The following ANK3 variants were observed in gnomAD, a reference collection of about 807,000 sequenced individuals.
ANK3 encodes the protein ankyrin-3.
A neutral mutation model predicts 370.9 loss-of-function variants in ANK3; 57 were observed. That is an observed-to-expected ratio of 0.15 (90% CI 0.12 to 0.19). ANK3 has a LOEUF of 0.19. Ranked by LOEUF, ANK3 falls within the 10% of genes least tolerant of loss-of-function variation. The pLI is 1.00. For missense variants in ANK3, 4,439 were observed against 5,302.1 expected (o/e 0.84, Z 5.06); for synonymous variants, 1,929 against 1,946.3 (o/e 0.99, Z 0.23).
chr10:60,084,856 T>C (rs778342686), intron 31 of ANK3, 26 bp from the exon 32 acceptor site: 3 of 1,481,372 alleles, frequency 2.0e-6, no homozygotes, highest in South Asian at 2.8e-5. Flanking sequence ...AACAGAAGTA[T>C]GAAAATGTGG....
intron 1 of ANK3, among the ~76,000 whole-genome samples, chr10:60,385,515 T>C (rs570022337): frequency 2.5e-4 from 38 of 152,224 alleles, no homozygotes; most frequent in African/African-American, 8.2e-4. Context: ...TCTCCAACAT[T>C]TGATGCAATG....
At chr10:60,464,409 C>A (rs1023972919) in intron 2 of ANK3, among the ~76,000 whole-genome samples, 1 of 152,012 alleles carries the variant, frequency 6.6e-6, no homozygotes, top group Non-Finnish European at 1.5e-5. Context: ...AAAGTAATAA[C>A]CTGCTATTTA....
At chr10:60,093,892 G>T (rs1028878850) in intron 28 of ANK3, among the ~76,000 whole-genome samples, 24 of 152,144 alleles carry the variant, frequency 1.6e-4, no homozygotes, top group African/African-American at 5.6e-4. Context: ...TTTCCCAGCA[G>T]CTCAGGGACC....
At chr10:60,175,859 T>C (rs1205728385) in intron 18 of ANK3, among the ~76,000 whole-genome samples, 1 of 152,194 alleles carries the variant, frequency 6.6e-6, no homozygotes, top group Non-Finnish European at 1.5e-5. Flanking sequence ...CATTATAAAA[T>C]GGACTTTAGT....
intron 24 of ANK3, among the ~76,000 whole-genome samples, chr10:60,134,947 T>C (rs2094265732): frequency 6.6e-6 from 1 of 152,240 alleles, no homozygotes; most frequent in Non-Finnish European, 1.5e-5. Flanking sequence ...CCTGCATGGT[T>C]ATTTGGTCTT....
chr10:60,458,322 GT>G (rs965872912), intron 2 of ANK3, among the ~76,000 whole-genome samples: 1 of 152,068 alleles, frequency 6.6e-6, no homozygotes, highest in African/African-American at 2.4e-5. Context: ...AGCAGCCCAG[GT>G]ACTCCATAAT....
At chr10:60,241,825 C>G (rs372958411) in intron 7 of ANK3, among the ~76,000 whole-genome samples, 1 of 152,046 alleles carries the variant, frequency 6.6e-6, no homozygotes, top group Non-Finnish European at 1.5e-5. Context: ...CACATGTATA[C>G]GCAGATGCAT....
At chr10:60,263,002 A>G (rs1346931351) in intron 6 of ANK3, among the ~76,000 whole-genome samples, 1 of 152,186 alleles carries the variant, frequency 6.6e-6, no homozygotes, top group African/African-American at 2.4e-5. Flanking sequence ...TTGGGGATAA[A>G]GCAGGTATCT....
At chr10:60,684,233 G>A (rs2133394420) in intron 1 of ANK3, among the ~76,000 whole-genome samples, 1 of 152,334 alleles carries the variant, frequency 6.6e-6, no homozygotes, top group Non-Finnish European at 1.5e-5. Context: ...GCAGGCAGGG[G>A]GTGGGGTCTG....
intron 2 of ANK3, among the ~76,000 whole-genome samples, chr10:60,430,625 C>A (rs1406261177): frequency 6.6e-6 from 1 of 152,068 alleles, no homozygotes; most frequent in Non-Finnish European, 1.5e-5. Context: ...TATGGTTATC[C>A]TAGTTACACG....
chr10:60,172,768 C>T (rs756279674), intron 20 of ANK3, 132 bp downstream of exon 20: 1 of 635,898 alleles, frequency 1.6e-6, no homozygotes, highest in Non-Finnish European at 2.8e-6. Flanking sequence ...GGTTATTGTC[C>T]TTCTTTCCTC....
At chr10:60,087,227 C>T (rs1000343715) in intron 29 of ANK3, among the ~76,000 whole-genome samples, 2 of 152,084 alleles carry the variant, frequency 1.3e-5, no homozygotes, top group African/African-American at 4.8e-5. Flanking sequence ...TATTTTAAAC[C>T]TATGCAGGAC....
At chr10:60,651,191 T>C (rs890212767) in intron 1 of ANK3, among the ~76,000 whole-genome samples, 3 of 152,330 alleles carry the variant, frequency 2.0e-5, no homozygotes, top group South Asian at 4.1e-4. Flanking sequence ...AAATTAGCCC[T>C]GAAATAAAAT....
chr10:60,586,888 G>A (rs1371599145), intron 2 of ANK3, among the ~76,000 whole-genome samples: 1 of 152,186 alleles, frequency 6.6e-6, no homozygotes, highest in Admixed American at 6.5e-5. Context: ...TACGGCAGCT[G>A]TAAGATAAAA....
At chr10:60,612,168 T>C (rs2078210279) in intron 2 of ANK3, among the ~76,000 whole-genome samples, 1 of 152,120 alleles carries the variant, frequency 6.6e-6, no homozygotes, top group South Asian at 2.1e-4. Context: ...GGTTGGACCA[T>C]TAAGTGACAG....
intron 1 of ANK3, chr10:60,684,410 G>T: frequency 1.4e-6 from 1 of 693,910 alleles, no homozygotes; most frequent in Non-Finnish European, 2.3e-6. Context: ...GGGAAGGATG[G>T]TTAGTCAATC....
intron 1 of ANK3, among the ~76,000 whole-genome samples, chr10:60,285,975 C>T (rs1420842788): frequency 6.6e-6 from 1 of 152,126 alleles, no homozygotes; most frequent in East Asian, 1.9e-4. Flanking sequence ...GTGTACACAT[C>T]TGATTCAATA....
At chr10:60,221,123 A>C (rs1419209975) in intron 8 of ANK3, among the ~76,000 whole-genome samples, 2 of 146,926 alleles carry the variant, frequency 1.4e-5, no homozygotes, top group Non-Finnish European at 3.0e-5. Context: ...TTTATTGCTC[A>C]GGGTGGAGAG....
intron 23 of ANK3, among the ~76,000 whole-genome samples, chr10:60,158,685 C>CTCTTTTTTTTTT (rs2095417290): frequency 3.0e-5 from 4 of 132,710 alleles, no homozygotes; most frequent in Non-Finnish European, 4.7e-5. Flanking sequence ...CACTTTTTTT[C>CTCTTTTTTTTTT]TTTTTTTTGA....
Sources: allele counts gnomAD v4.1 joint callset (sites outside exome capture counted in the v4.1 genomes callset), GRCh38; gene constraint gnomAD v4.1.1; transcripts MANE v1.5; gene names NCBI Gene and HGNC (gene_info 2026-07-23, HGNC 2026-07-21).